Variants in RBM20 observed in about 807,000 individuals in gnomAD.
RBM20 encodes RNA binding motif protein 20.
A neutral mutation model predicts 110.1 loss-of-function variants in RBM20; 51 were observed. The observed-to-expected ratio is 0.46, with a 90% confidence interval of 0.37 to 0.59. RBM20 has a LOEUF of 0.59. RBM20 is among the 20% of genes least tolerant of loss of function. The pLI, the probability that RBM20 is intolerant of heterozygous loss-of-function variation, is 0.00. For missense variants in RBM20, 1,512 were observed against 1,574.9 expected (o/e 0.96, Z 0.68); for synonymous variants, 589 against 618.2 (o/e 0.95, Z 0.70).
intron 1 of RBM20, among the ~76,000 whole-genome samples, chr10:110,715,226 C>T (rs185125077): frequency 1.5e-4 from 23 of 152,186 alleles, no homozygotes; most frequent in African/African-American, 5.3e-4. Context: ...CCAGCCTGTG[C>T]GACACAGTGA....
At chr10:110,816,303 A>C (rs1022088790) in intron 9 of RBM20, among the ~76,000 whole-genome samples, 162 of 105,666 alleles carry the variant, frequency 1.5e-3, no homozygotes, top group Admixed American at 1.8e-3. Context: ...ACCCCACCCA[A>C]CCCCCTCACC....
At chr10:110,774,322 C>T (rs766939073) in intron 1 of RBM20, among the ~76,000 whole-genome samples, 15 of 152,198 alleles carry the variant, frequency 9.9e-5, no homozygotes, top group Non-Finnish European at 1.5e-4. Flanking sequence ...TGATATGAAT[C>T]ATCATATGGT....
intron 6 of RBM20, 146 bp from the exon 7 acceptor site, chr10:110,799,641 A>G (rs536540514): frequency 1.4e-6 from 1 of 716,794 alleles, no homozygotes; most frequent in Admixed American, 3.1e-5. Flanking sequence ...TCCCCACCTG[A>G]GAGAGAAGCT....
At chr10:110,722,507 A>G (rs1211725292) in intron 1 of RBM20, among the ~76,000 whole-genome samples, 2 of 152,254 alleles carry the variant, frequency 1.3e-5, no homozygotes, top group Non-Finnish European at 2.9e-5. Flanking sequence ...AATGACATGT[A>G]TCTACCATTA....
chr10:110,739,845 C>T lies in RBM20; in HGVS notation c.192-40956C>T, dbSNP rs115432854. ...GTCATGAAGGCATGAGGCTTCTGTGCGACCTGGGTGACTAACACAGCCCAC... is the reference window on the plus strand; with the variant it reads ...GTCATGAAGGCATGAGGCTTCTGTGTGACCTGGGTGACTAACACAGCCCAC... On this transcript the variant is annotated intron_variant, in intron 1 of 13. Coordinates refer to ENST00000369519, the MANE Select transcript of RBM20 (RefSeq NM_001134363.3). The surrounding 1 kb of genome is among the most constrained non-coding windows in gnomAD (Gnocchi z 4.1). 9.1e-3 allele frequency among the ~76,000 whole-genome samples: 1,393 copies of T among 152,330 alleles called. 6 individuals carry two copies. Among genetic ancestry groups the T allele is most frequent in the South Asian group, 0.022 (108 of 4,830 alleles).
At chr10:110,643,330 T>C (rs1026172184), upstream of RBM20, among the ~76,000 whole-genome samples, 3 of 152,214 alleles carry the variant, frequency 2.0e-5, no homozygotes, top group African/African-American at 7.2e-5. Flanking sequence ...CATTTCTGTG[T>C]CAGGTGCCTC....
intron 1 of RBM20, among the ~76,000 whole-genome samples, chr10:110,729,970 C>G (rs150286646): frequency 6.6e-6 from 1 of 152,186 alleles, no homozygotes; most frequent in Non-Finnish European, 1.5e-5. Context: ...CATGCGCCAC[C>G]ATGCCCGGCT....
rs116611749 is a variant in RBM20, at chr10:110,695,142, T to C, written c.191+50497T>C. 3.7e-3 allele frequency among the ~76,000 whole-genome samples: 568 copies of C among 152,288 alleles called. 4 individuals are homozygous for C. Among genetic ancestry groups the C allele is most frequent in the African/African-American group, 0.013 (531 of 41,560 alleles). ...GAGATGACATCCTGAGGTGCTGAAA[T>C]CCTTAAGTTTTCTGGCCCCTGCTGA... On this transcript the variant is annotated intron_variant, in intron 1 of 13. Coordinates refer to ENST00000369519, the MANE Select transcript of RBM20 (RefSeq NM_001134363.3).
chr10:110,792,141 G>GTCTGTCTGTCTA (rs1212807863), intron 5 of RBM20, among the ~76,000 whole-genome samples: 184 of 147,740 alleles, frequency 1.2e-3, no homozygotes, highest in African/African-American at 4.5e-3. Context: ...TCCTCTATCT[G>GTCTGTCTGTCTA]TCTATCTATC....
intron 1 of RBM20, among the ~76,000 whole-genome samples, chr10:110,761,757 C>A (rs1844007368): frequency 6.6e-6 from 1 of 152,214 alleles, no homozygotes; most frequent in Non-Finnish European, 1.5e-5. Context: ...AGGACATGTC[C>A]CCGGCATGGA....
At chr10:110,643,597 G>A (rs2134790378), upstream of RBM20, among the ~76,000 whole-genome samples, 1 of 152,358 alleles carries the variant, frequency 6.6e-6, no homozygotes, top group Admixed American at 6.5e-5. Context: ...ATGTACGCAT[G>A]GTTTTGTCTT....
chr10:110,793,588 C>T (rs894509904), intron 5 of RBM20, among the ~76,000 whole-genome samples: 1 of 152,168 alleles, frequency 6.6e-6, no homozygotes, highest in Non-Finnish European at 1.5e-5. Flanking sequence ...AAAACTGAAG[C>T]CAGATACAGA....
intron 1 of RBM20, among the ~76,000 whole-genome samples, chr10:110,769,028 G>A (rs1844149033): frequency 6.6e-6 from 1 of 152,166 alleles, no homozygotes; most frequent in African/African-American, 2.4e-5. Context: ...GGGACCCAAA[G>A]TAATAAAGAA....
rs539652763 is a variant in RBM20, at chr10:110,725,885, T to C, written c.192-54916T>C. 7.9e-5 allele frequency among the ~76,000 whole-genome samples: 12 copies of C among 152,358 alleles called. No individual in the cohort carries two copies. The South Asian group carries it at 2.5e-3, about 32-fold the overall frequency. Reference sequence around the variant, plus strand: ...GGGAGGCAGGATTGACAGCCACAGCTTGGCCTCTGTGCTGGGGGTGGAATC... The same window carrying C: ...GGGAGGCAGGATTGACAGCCACAGCCTGGCCTCTGTGCTGGGGGTGGAATC... On this transcript the variant is annotated intron_variant, in intron 1 of 13. Transcript: ENST00000369519.
intron 1 of RBM20, among the ~76,000 whole-genome samples, chr10:110,700,125 G>A (rs1564819187): frequency 1.3e-5 from 2 of 152,114 alleles, no homozygotes; most frequent in African/African-American, 4.8e-5. Flanking sequence ...TGAAAGTTTG[G>A]AAAGCGAAAC....
Position 110,836,225 on chromosome 10 carries a change from T to C in RBM20, c.*247T>C, listed in dbSNP as rs1450180127. The C allele has an allele frequency of 3.1e-6, 1 of 319,298 alleles. No homozygotes were observed. Among genetic ancestry groups the C allele is most frequent in the Non-Finnish European group, 5.7e-6 (1 of 175,818 alleles). 19.8% of individuals were successfully genotyped at this position (319,298 alleles called of 1,614,324 possible). ...CTCTCTCCCTGCTGACTCTTGTTTC[T>C]CTCAATCTTTCAATTCGTTTTTCTC... is the stretch of plus-strand genomic sequence containing the variant. On this transcript the variant is annotated 3_prime_UTR_variant, in exon 14 of 14. Transcript: ENST00000369519.
intron 1 of RBM20, among the ~76,000 whole-genome samples, chr10:110,701,809 A>ATAGG (rs1482375611): frequency 6.6e-6 from 1 of 152,192 alleles, no homozygotes; most frequent in Non-Finnish European, 1.5e-5. Flanking sequence ...GGAATGCTGC[A>ATAGG]TAGGTTCTGA....
At chr10:110,814,075 C>T (rs763870053) in intron 9 of RBM20, among the ~76,000 whole-genome samples, 3 of 151,808 alleles carry the variant, frequency 2.0e-5, no homozygotes, top group Non-Finnish European at 2.9e-5. Flanking sequence ...TTTTTAAAAT[C>T]CTCCACACAT....
intron 1 of RBM20, among the ~76,000 whole-genome samples, chr10:110,749,975 G>A (rs1038221748): frequency 2.6e-5 from 4 of 152,102 alleles, no homozygotes; most frequent in Non-Finnish European, 4.4e-5. Context: ...CAACTCAGAA[G>A]TGAAAAAAAT....
Sources: gnomAD v4.1 joint callset for allele counts (sites outside exome capture counted in the v4.1 genomes callset) on GRCh38, gnomAD v4.1.1 for gene constraint, Gnocchi (gnomAD v3.1) non-coding constraint, MANE v1.5 for transcripts, NCBI Gene and HGNC (gene_info 2026-07-23, HGNC 2026-07-21) for gene names.